The following TRIM62 variants were observed in gnomAD, a reference collection of about 807,000 sequenced individuals.
TRIM62 encodes E3 ubiquitin-protein ligase TRIM62.
TRIM62 carries 39 observed loss-of-function variants against 44.2 expected under a neutral mutation model. The observed-to-expected ratio is 0.88, with a 90% CI of 0.68 to 1.15. The LOEUF is 1.15. Ranked by LOEUF, TRIM62 falls within the 50% of genes most tolerant of loss-of-function variation. The pLI is 0.00. For missense variants in TRIM62, 544 were observed against 665.5 expected (o/e 0.82, Z 2.01); for synonymous variants, 278 against 292.3 (o/e 0.95, Z 0.50).
chr1:33,176,593 C>T (rs376075885), intron 1 of TRIM62: 58 of 523,062 alleles, frequency 1.1e-4, no homozygotes, highest in Middle Eastern at 1.0e-3. Context: ...ACCAAGATGA[C>T]GTCCCAACCA....
intron 4 of TRIM62, among the ~76,000 whole-genome samples, chr1:33,150,423 C>G (rs1187840999): frequency 6.6e-6 from 1 of 152,258 alleles, no homozygotes; most frequent in Admixed American, 6.5e-5. Flanking sequence ...ACCCACTGGA[C>G]CAGTGACCTA....
At position 33,145,757 on chromosome 1, in the gene TRIM62, A is replaced by G. The variant is rs942252293; in HGVS notation, c.*1420T>C. On this transcript the variant is annotated 3_prime_UTR_variant, in exon 5 of 5. Transcript: ENST00000291416. Reference sequence around the variant, plus strand: ...GGCAGGGATAGAGCCAAGGGGCAGGACAACCCTAGATGTGGACTCCACCCT... The same window carrying G: ...GGCAGGGATAGAGCCAAGGGGCAGGGCAACCCTAGATGTGGACTCCACCCT... 1.4e-5 allele frequency: 6 copies of G among 423,148 alleles called. No homozygotes were observed. Among genetic ancestry groups the G allele is most frequent in the Non-Finnish European group, 2.5e-5 (5 of 203,632 alleles). 26.2% of individuals were successfully genotyped at this position (423,148 alleles called of 1,614,324 possible). A position where few individuals can be genotyped will look rare whatever the true frequency, so the allele number is the denominator to read the frequency against.
chr1:33,155,627 C>T (rs780766562), intron 4 of TRIM62, among the ~76,000 whole-genome samples: 3 of 152,142 alleles, frequency 2.0e-5, no homozygotes, highest in Non-Finnish European at 2.9e-5. Context: ...ATTTCCAAGT[C>T]GTGACCAAGG....
intron 4 of TRIM62, among the ~76,000 whole-genome samples, chr1:33,154,021 A>G (rs1645138052): frequency 6.6e-6 from 1 of 152,216 alleles, no homozygotes. Context: ...AAGGTTTTAT[A>G]AACTAAGATG....
chr1:33,159,663 G>A lies in TRIM62; in HGVS notation c.761+25C>T. ...GTCGAGGAGGGGATGGTCAGCCGGG[G>A]AGGGCCCCGGCGGGTGGCACTTACC... On this transcript the variant is annotated intron_variant, in intron 3 of 4. Coordinates refer to ENST00000291416, the MANE Select transcript of TRIM62 (RefSeq NM_018207.3). This position sits in a 1 kb window ranked among gnomAD's most constrained non-coding sequence, Gnocchi z 4.2. 1 of 1,589,696 alleles carries A rather than the reference G, an allele frequency of 6.3e-7. No homozygotes were observed. The highest frequency in any genetic ancestry group is 1.1e-5 in the South Asian group (1 of 90,374).
In TRIM62 at chr1:33,178,836, T is replaced by C. The variant is rs574534486; in HGVS notation, c.408+2189A>G. ...GCATTTCAATAATATTTGTAGGTAA[T>C]ACATGTTCAATTTCTCCTGTGTCCC... On this transcript the variant is annotated intron_variant, in intron 1 of 4. Coordinates refer to ENST00000291416, the MANE Select transcript of TRIM62 (RefSeq NM_018207.3). 5.3e-5 allele frequency among the ~76,000 whole-genome samples: 8 copies of C among 152,348 alleles called. No individual in the cohort carries two copies. The South Asian group carries it at 1.7e-3, about 32-fold the overall frequency.
chr1:33,175,281 A>T (rs892708009), intron 1 of TRIM62, among the ~76,000 whole-genome samples: 4 of 151,298 alleles, frequency 2.6e-5, no homozygotes, highest in Admixed American at 1.3e-4. Flanking sequence ...AACTCAGGTG[A>T]TCCGCCTGCC....
rs1645024980 is a variant in TRIM62, at chr1:33,146,664, C to G, written c.*513G>C. ...GTGTGGGGGTGGCAGGAGAGGTTGG[C>G]TCTCAGGCAACCCTAGGACCAGGTA... On this transcript the variant is annotated 3_prime_UTR_variant, in exon 5 of 5. Transcript: ENST00000291416. 1.2e-5 allele frequency: 2 copies of G among 165,084 alleles called. No individual in the cohort carries two copies. The highest frequency in any genetic ancestry group is 3.1e-4 in the South Asian group (2 of 6,372). The allele number at this position is 165,084 out of a possible 1,614,324, so 10.2% of individuals were successfully genotyped here.
rs114326575 is a variant in TRIM62, at chr1:33,170,045, C to T, written c.409-4479G>A. 4.2e-3 allele frequency among the ~76,000 whole-genome samples: 639 copies of T among 152,184 alleles called. 5 individuals carry two copies. Among genetic ancestry groups the T allele is most frequent in the African/African-American group, 0.015 (614 of 41,518 alleles). ...TACCTGTCAATCTCCCCTACTAGGCCGGGCACAGTGGCTCACACCTGTAAT... is the reference window on the plus strand; with the variant it reads ...TACCTGTCAATCTCCCCTACTAGGCTGGGCACAGTGGCTCACACCTGTAAT... On this transcript the variant is annotated intron_variant, in intron 1 of 4. Coordinates refer to ENST00000291416, the MANE Select transcript of TRIM62 (RefSeq NM_018207.3).
At position 33,145,795 on chromosome 1, in the gene TRIM62, T is replaced by C; in HGVS notation, c.*1382A>G. 1 of 464,040 alleles carries C rather than the reference T, an allele frequency of 2.2e-6. No individual in the cohort carries two copies. The highest frequency in any genetic ancestry group is 4.5e-6 in the Non-Finnish European group (1 of 223,438). The allele number at this position is 464,040 out of a possible 1,614,324, so 28.7% of individuals were successfully genotyped here. A position where few individuals can be genotyped will look rare whatever the true frequency, so the allele number is the denominator to read the frequency against. ...TGGACTCCACCCTCTCCCGAGTTCT[T>C]CACGATTGGATGCTGTGGCAGAAAA... On this transcript the variant is annotated 3_prime_UTR_variant, in exon 5 of 5. Transcript: ENST00000291416.
chr1:33,156,539 C>A (rs565753167), intron 4 of TRIM62, among the ~76,000 whole-genome samples: 1 of 152,328 alleles, frequency 6.6e-6, no homozygotes, highest in South Asian at 2.1e-4. Flanking sequence ...TGCTCCTTCT[C>A]GGTCTCCTTG....
At chr1:33,172,168 G>A (rs572864862) in intron 1 of TRIM62, among the ~76,000 whole-genome samples, 8 of 152,148 alleles carry the variant, frequency 5.3e-5, no homozygotes, top group Non-Finnish European at 4.4e-5. Flanking sequence ...CTGACATGAC[G>A]TACAGGGTGA....
chr1:33,148,931 C>A (rs1645056550), intron 4 of TRIM62, among the ~76,000 whole-genome samples: 1 of 152,192 alleles, frequency 6.6e-6, no homozygotes, highest in South Asian at 2.1e-4. Context: ...AGGTCGTCTG[C>A]AATCTAGCGC....
In TRIM62 at chr1:33,145,597, C is replaced by G. The variant is rs150149479; in HGVS notation, c.*1580G>C. 5.0e-6 allele frequency: 1 copy of G among 201,352 alleles called. No homozygotes were observed. Among genetic ancestry groups the G allele is most frequent in the Admixed American group, 5.6e-5 (1 of 17,856 alleles). The allele number at this position is 201,352 out of a possible 1,614,324, so 12.5% of individuals were successfully genotyped here. ...AAGAACCCCCTGTGTTTAGCTCTTC[C>G]GGCTACTTTGGGATGGTGTGTTGTG... On this transcript the variant is annotated 3_prime_UTR_variant, in exon 5 of 5. Coordinates refer to ENST00000291416, the MANE Select transcript of TRIM62 (RefSeq NM_018207.3).
At chr1:33,155,281 AG>A (rs1645162594) in intron 4 of TRIM62, among the ~76,000 whole-genome samples, 1 of 151,836 alleles carries the variant, frequency 6.6e-6, no homozygotes, top group East Asian at 2.0e-4. Context: ...CATGTTGGCC[AG>A]GCTGGTCTCG....
In TRIM62 at chr1:33,147,774, T is replaced by C; in HGVS notation, c.878-47A>G. 1 of 1,576,068 alleles carries C rather than the reference T, an allele frequency of 6.3e-7. No homozygotes were observed. On this transcript the variant is annotated intron_variant, in intron 4 of 4. Coordinates refer to ENST00000291416, the MANE Select transcript of TRIM62 (RefSeq NM_018207.3). This position sits in a 1 kb window ranked among gnomAD's most constrained non-coding sequence, Gnocchi z 8.1. Reference sequence around the variant, plus strand: ...GAGAAGATGAGTGGGGAGAAGGCTGTGGACCCACCATGCAGTGCCTTCCTG... The same window carrying C: ...GAGAAGATGAGTGGGGAGAAGGCTGCGGACCCACCATGCAGTGCCTTCCTG...
rs754934425 is a variant in TRIM62 at position 33,181,031 on chromosome 1, C to CTCGTCGAAGGCG, written c.390_401dup (p.Asp130_Asp133dup). 2 of 1,542,272 alleles carry CTCGTCGAAGGCG rather than the reference C, an allele frequency of 1.3e-6. No homozygotes were observed. Among genetic ancestry groups the CTCGTCGAAGGCG allele is most frequent in the Non-Finnish European group, 1.7e-6 (2 of 1,146,896 alleles). On this transcript the variant is annotated inframe_insertion, in exon 1 of 5. Transcript: ENST00000291416. The surrounding 1 kb of genome is among the most constrained non-coding windows in gnomAD (Gnocchi z 6.5). ...GGCAGGCCGGGTAGCGCACCTGCAG[C>CTCGTCGAAGGCG]TCGTCGAAGGCGTCGTCGATGCCGG...
chr1:33,149,731 A>G (rs1340481773), intron 4 of TRIM62, among the ~76,000 whole-genome samples: 1 of 152,198 alleles, frequency 6.6e-6, no homozygotes, highest in Non-Finnish European at 1.5e-5. Flanking sequence ...CTGGGATTAT[A>G]GGTGTGAGCC....
Position 33,167,196 on chromosome 1 carries a change from A to G in TRIM62, c.409-1630T>C, listed in dbSNP as rs1431916088. On this transcript the variant is annotated intron_variant, in intron 1 of 4. Coordinates refer to ENST00000291416, the MANE Select transcript of TRIM62 (RefSeq NM_018207.3). The surrounding 1 kb of genome is among the most constrained non-coding windows in gnomAD (Gnocchi z 4.2). ...AGAGTCTTGCCTGACCGCCCCACGC[A>G]CAGTGGCACCTCCTCATACCCTGTC... Among the ~76,000 whole-genome samples the G allele has an allele frequency of 3.3e-5, 5 of 152,166 alleles. No homozygotes were observed. The highest frequency in any genetic ancestry group is 9.7e-5 in the African/African-American group (4 of 41,432).
Sources: allele counts gnomAD v4.1 joint callset (sites outside exome capture counted in the v4.1 genomes callset), GRCh38; gene constraint gnomAD v4.1.1; non-coding constraint Gnocchi (gnomAD v3.1); transcripts MANE v1.5; gene names NCBI Gene and HGNC (gene_info 2026-07-23, HGNC 2026-07-21).